Variants in ABCG1 observed in about 807,000 individuals in gnomAD.
ABCG1 encodes ATP-binding cassette sub-family G member 1.
ABCG1 carries 29 observed loss-of-function variants against 69.2 expected under a neutral mutation model. The ratio of observed to expected loss-of-function variants is 0.42; its 90% CI spans 0.31 to 0.57. The LOEUF is 0.57. ABCG1 is among the 20% of genes least tolerant of loss of function. The pLI, the probability that ABCG1 is intolerant of heterozygous loss-of-function variation, is 0.15. For missense variants in ABCG1, 718 were observed against 898.1 expected, an observed-to-expected ratio of 0.80 and a Z score of 2.56; for synonymous variants, 370 against 374.8, an observed-to-expected ratio of 0.99 and a Z score of 0.15.
chr21:42,261,992 C>T (rs1461307179), intron 2 of ABCG1, among the ~76,000 whole-genome samples: 1 of 152,162 alleles, frequency 6.6e-6, no homozygotes, highest in Non-Finnish European at 1.5e-5. Context: ...CAGGGTCTCT[C>T]GAGAAGCAGC....
At chr21:42,206,237 C>G (rs923885181) in intron 2 of ABCG1, among the ~76,000 whole-genome samples, 1 of 152,096 alleles carries the variant, frequency 6.6e-6, no homozygotes, top group Admixed American at 6.6e-5. Context: ...GTAATCCCAG[C>G]TACTCAGGAG....
At chr21:42,259,636 C>T (rs1439366823) in intron 2 of ABCG1, 17 of 1,436,878 alleles carry the variant, frequency 1.2e-5, no homozygotes, top group Non-Finnish European at 1.5e-5. Context: ...TTGATAAAAA[C>T]TGACAAGGTT....
chr21:42,201,431 C>A, intron 1 of ABCG1: 1 of 496,652 alleles, frequency 2.0e-6, no homozygotes, highest in Non-Finnish European at 3.6e-6. Flanking sequence ...TTGCCGCTCA[C>A]CTCCTGCTGT....
At chr21:42,264,519 ATCTG>A (rs1472071764) in intron 2 of ABCG1, among the ~76,000 whole-genome samples, 2 of 151,904 alleles carry the variant, frequency 1.3e-5, no homozygotes, top group African/African-American at 2.4e-5. Context: ...CCATTCATCC[ATCTG>A]TTCATCCATT....
At chr21:42,280,853 A>C (rs2068795585) in intron 5 of ABCG1, among the ~76,000 whole-genome samples, 1 of 152,124 alleles carries the variant, frequency 6.6e-6, no homozygotes, top group South Asian at 2.1e-4. Context: ...TGGGAAGACC[A>C]GCAGTCGATG....
intron 1 of ABCG1, among the ~76,000 whole-genome samples, chr21:42,200,630 T>C (rs553446446): frequency 6.7e-6 from 1 of 148,820 alleles, no homozygotes; most frequent in Non-Finnish European, 1.5e-5. Context: ...TCTCCCTCTG[T>C]TGCACTGGAG....
chr21:42,219,043 G>A, upstream of ABCG1: 1 of 249,432 alleles, frequency 4.0e-6, no homozygotes, highest in Non-Finnish European at 7.4e-6. This position sits in a 1 kb window ranked among gnomAD's most constrained non-coding sequence, Gnocchi z 5.3. Flanking sequence ...AAGAGCACGC[G>A]CACCTGCCGG....
rs1018443226 is a variant in ABCG1 at position 42,273,325 on chromosome 21, G to A, written c.427G>A (p.Val143Ile). Residue 143 changes from valine to isoleucine, a missense_variant, in exon 4 of 15, where the codon GTC (valine) becomes ATC (isoleucine). By Grantham distance (29) the Val-to-Ile change is conservative. This residue lies in a region of ABCG1 where 514 missense variants were observed against 574.3 expected (regional missense o/e 0.90). Transcript: ENST00000398449. This position sits in a 1 kb window ranked among gnomAD's most constrained non-coding sequence, Gnocchi z 5.3. ...GYRETGMKGAVLINGLPRDLR... is the reference protein window; with the variant it reads ...GYRETGMKGAILINGLPRDLR... ...CAGGGAGACGGGCATGAAGGGGGCCGTCCTCATCAACGGCCTGCCCCGGGA... is the reference window on the plus strand; with the variant it reads ...CAGGGAGACGGGCATGAAGGGGGCCATCCTCATCAACGGCCTGCCCCGGGA... 6.2e-6 allele frequency: 10 copies of A among 1,613,420 alleles called. No individual in the cohort carries two copies. In the Admixed American group the frequency reaches 6.7e-5, roughly 11 times the overall value.
chr21:42,237,830 C>T (rs1322936441), intron 2 of ABCG1, among the ~76,000 whole-genome samples: 1 of 152,166 alleles, frequency 6.6e-6, no homozygotes, highest in Non-Finnish European at 1.5e-5. Flanking sequence ...CGCACAGCAC[C>T]GTGGATGGAC....
At chr21:42,256,152 G>A in intron 2 of ABCG1, 1 of 1,393,040 alleles carries the variant, frequency 7.2e-7, no homozygotes, top group Non-Finnish European at 9.3e-7. Context: ...TGAAACCTGG[G>A]CGTGATATAC....
intron 2 of ABCG1, among the ~76,000 whole-genome samples, chr21:42,241,604 C>CAA (rs11330761): frequency 3.1e-5 from 4 of 130,606 alleles, no homozygotes; most frequent in Admixed American, 2.3e-4. Context: ...GACCCTGTCT[C>CAA]AAAAAAAAAA....
At chr21:42,261,987 T>C (rs1296190897) in intron 2 of ABCG1, among the ~76,000 whole-genome samples, 1 of 152,010 alleles carries the variant, frequency 6.6e-6, no homozygotes, top group Admixed American at 6.6e-5. Context: ...TTCCCCAGGG[T>C]CTCTCGAGAA....
chr21:42,248,404 A>T (rs974524339), intron 2 of ABCG1, among the ~76,000 whole-genome samples: 4 of 152,160 alleles, frequency 2.6e-5, no homozygotes, highest in Non-Finnish European at 4.4e-5. Flanking sequence ...AGCAAGGAAG[A>T]CTGTGAGGCA....
At chr21:42,216,055 A>G (rs1057010040), upstream of ABCG1, 2 of 404,112 alleles carry the variant, frequency 4.9e-6, no homozygotes. Context: ...ATGATAGTGA[A>G]TAAGTCTCAT....
chr21:42,207,481 G>T (rs1190171838), intron 2 of ABCG1, among the ~76,000 whole-genome samples: 1 of 152,086 alleles, frequency 6.6e-6, no homozygotes, highest in African/African-American at 2.4e-5. Flanking sequence ...TTTCAAGTCT[G>T]CTCATAATTG....
In ABCG1 at chr21:42,297,201, G is replaced by A. The variant is rs1009480945; in HGVS notation, c.*809G>A. ...TCTTTCAAAGTCTTTCTTTTTCCAC[G>A]TGCTTCTTATTTTAAGCGAAATATA... On this transcript the variant is annotated 3_prime_UTR_variant, in exon 15 of 15. Transcript: ENST00000398449. 7 of 152,152 alleles carry A rather than the reference G, an allele frequency of 4.6e-5. No homozygotes were observed. The highest frequency in any genetic ancestry group is 8.8e-5 in the Non-Finnish European group (6 of 68,030). 9.4% of individuals were successfully genotyped at this position (152,152 alleles called of 1,614,324 possible).
intron 2 of ABCG1, among the ~76,000 whole-genome samples, chr21:42,231,287 A>T (rs924740984): frequency 1.3e-5 from 2 of 152,216 alleles, no homozygotes; most frequent in African/African-American, 4.8e-5. Context: ...ATGTAGTCAT[A>T]TCTGGGGCTT....
Position 42,276,902 on chromosome 21 carries a change from C to T in ABCG1, c.545C>T (p.Ala182Val), listed in dbSNP as rs759147987. 1 of 1,614,154 alleles carries T rather than the reference C, an allele frequency of 6.2e-7. No homozygotes were observed. The highest frequency in any genetic ancestry group is 1.1e-5 in the South Asian group (1 of 91,084). ...TGTCCTTGTCCCCTGCAGGTGTCGG[C>T]ACATCTGAAGCTTCAGGAGAAGGAT... ...LTVQEAMMVS[A>V]HLKLQEKDEG... The change falls in exon 5 of 15, where the codon GCA (alanine) becomes GTA (valine). Residue 182 changes from alanine (A) to valine (V), a missense_variant. Around this residue, in one of 2 missense-constraint regions of ABCG1, gnomAD observed 514 missense variants for 574.3 expected, o/e 0.90. Transcript: ENST00000398449. This position sits in a 1 kb window ranked among gnomAD's most constrained non-coding sequence, Gnocchi z 5.3.
intron 2 of ABCG1, among the ~76,000 whole-genome samples, chr21:42,250,239 A>C (rs1032601572): frequency 6.6e-6 from 1 of 152,138 alleles, no homozygotes; most frequent in African/African-American, 2.4e-5. Flanking sequence ...CTGGGGTGGC[A>C]CATCCCATTG....
Sources: gnomAD v4.1 joint callset for allele counts (sites outside exome capture counted in the v4.1 genomes callset) on GRCh38, gnomAD v4.1.1 for gene constraint, gnomAD v4.1.1 regional missense constraint, Gnocchi (gnomAD v3.1) non-coding constraint, MANE v1.5 for transcripts, NCBI Gene and HGNC (gene_info 2026-07-23, HGNC 2026-07-21) for gene names.